The following MUC5B variants were observed in gnomAD, a reference collection of about 807,000 sequenced individuals.
MUC5B encodes mucin 5B, oligomeric mucus/gel-forming.
A neutral mutation model predicts 376.9 loss-of-function variants in MUC5B; 116 were observed. That is an observed-to-expected ratio of 0.31 (90% confidence interval 0.26 to 0.36). MUC5B has a LOEUF of 0.36. MUC5B is among the 10% of genes least tolerant of loss of function. The pLI is 1.00. For missense variants in MUC5B, 7,165 were observed against 7,769.9 expected, an observed-to-expected ratio of 0.92 and a Z score of 2.93; for synonymous variants, 3,517 against 3,390.9, an observed-to-expected ratio of 1.04 and a Z score of -1.29.
intron 7 of MUC5B, 65 bp from the exon 8 acceptor site, chr11:1,228,499 T>C: frequency 5.6e-6 from 8 of 1,422,966 alleles, no homozygotes; most frequent in Non-Finnish European, 7.5e-6. Context: ...ATGGGTCCTA[T>C]TCCAGCACCG....
Position 1,251,238 on chromosome 11 carries a change from C to G in MUC5B, c.14358C>G (p.Thr4786=), listed in dbSNP as rs761216246. The change falls in exon 31 of 49, where the codon ACC becomes ACG. Residue 4786 remains threonine, a synonymous_variant. Transcript: ENST00000529681. Reference sequence around the variant, plus strand: ...TCCACACCTCCTCTACTCCAGAGACCACCCACACCTCCACAGTGCTGACCA... The same window carrying G: ...TCCACACCTCCTCTACTCCAGAGACGACCCACACCTCCACAGTGCTGACCA... The part of the protein sequence containing the change: ...STIHTSSTPE[T]THTSTVLTTT... 6.2e-7 allele frequency: 1 copy of G among 1,611,272 alleles called. No homozygotes were observed. The highest frequency in any genetic ancestry group is 8.5e-7 in the Non-Finnish European group (1 of 1,178,240).
At chr11:1,229,374 T>G in intron 9 of MUC5B, 79 bp downstream of exon 9, 2 of 1,410,798 alleles carry the variant, frequency 1.4e-6, no homozygotes, top group Non-Finnish European at 1.9e-6. Context: ...TCATCAGGCG[T>G]GGAAGCAGAG....
In MUC5B at chr11:1,248,002, T is replaced by A. The variant is rs1043765840; in HGVS notation, c.11122T>A (p.Ser3708Thr). 3 of 1,609,388 alleles carry A rather than the reference T, an allele frequency of 1.9e-6. No individual in the cohort carries two copies. In the African/African-American group the frequency reaches 4.0e-5, roughly 22 times the overall value. The part of the protein sequence containing the change: ...TTATTTESTG[S>T]TATPSSTPGT... ...AGCCACTACGACTGAGTCCACTGGA[T>A]CCACGGCCACCCCGTCCTCCACCCC... Residue 3708 changes from serine (S) to threonine (T), a missense_variant, in exon 31 of 49, where the codon TCC (serine) becomes ACC (threonine). Ser to Thr is a moderately conservative substitution (Grantham distance 58). Coordinates refer to ENST00000529681, the MANE Select transcript of MUC5B (RefSeq NM_002458.3).
rs776709402 is a variant in MUC5B at position 1,259,780 on chromosome 11, G to T, written c.16738G>T (p.Gly5580Trp). The part of the protein sequence containing the change: ...PQGFEYKRVA[G>W]QCCGECVQTA... ...GGGCTTTGAGTACAAGAGAGTGGCC[G>T]GGCAGTGCTGTGGGGAGTGCGTCCA... The change falls in exon 45 of 49, where the codon GGG (glycine) becomes TGG (tryptophan). Residue 5580 changes from glycine (G) to tryptophan (W), a missense_variant. Physicochemically the swap from Gly to Trp is radical, Grantham distance 184. Coordinates refer to ENST00000529681, the MANE Select transcript of MUC5B (RefSeq NM_002458.3). The T allele has an allele frequency of 6.2e-7, 1 of 1,612,410 alleles. No homozygotes were observed. The highest frequency in any genetic ancestry group is 8.5e-7 in the Non-Finnish European group (1 of 1,179,658).
chr11:1,238,546 G>A (rs927224651), intron 25 of MUC5B, among the ~76,000 whole-genome samples: 1 of 152,200 alleles, frequency 6.6e-6, no homozygotes, highest in Non-Finnish European at 1.5e-5. Flanking sequence ...AGATCCACGT[G>A]ATAGAAAGAT....
In MUC5B at chr11:1,249,254, C is replaced by A. The variant is rs1378705846; in HGVS notation, c.12374C>A (p.Thr4125Asn). 6.2e-6 allele frequency: 10 copies of A among 1,611,512 alleles called. No homozygotes were observed. The highest frequency in any genetic ancestry group is 8.5e-6 in the Non-Finnish European group (10 of 1,179,606). ...PTSAPITTVVTTGCEPQCAWS... is the reference protein window; with the variant it reads ...PTSAPITTVVNTGCEPQCAWS... ...TCGGCCCCCATAACCACGGTGGTGA[C>A]CACGGGCTGTGAGCCCCAGTGTGCC... Residue 4125 changes from threonine to asparagine, a missense_variant, in exon 31 of 49, where the codon ACC becomes AAC. Thr to Asn is a moderately conservative substitution (Grantham distance 65). Around this residue, in one of 31 missense-constraint regions of MUC5B, gnomAD observed 47 missense variants for 88.4 expected, o/e 0.53. Coordinates refer to ENST00000529681, the MANE Select transcript of MUC5B (RefSeq NM_002458.3).
intron 30 of MUC5B, among the ~76,000 whole-genome samples, chr11:1,240,632 G>A (rs879900031): frequency 2.6e-5 from 4 of 152,132 alleles, no homozygotes; most frequent in Admixed American, 6.5e-5. Context: ...CCCTCAGCAC[G>A]GCCTATCCCA....
In MUC5B at chr11:1,250,879, C is replaced by A. The variant is rs750547196; in HGVS notation, c.13999C>A (p.Pro4667Thr). The A allele has an allele frequency of 6.3e-7, 1 of 1,593,294 alleles. No individual in the cohort carries two copies. The highest frequency in any genetic ancestry group is 8.5e-7 in the Non-Finnish European group (1 of 1,169,942). Residue 4667 changes from proline (P) to threonine (T), a missense_variant, in exon 31 of 49, where the codon CCC becomes ACC. Pro to Thr is a conservative substitution (Grantham distance 38). This residue lies in a region of MUC5B where 730 missense variants were observed against 592.7 expected (regional missense o/e 1.23). Transcript: ENST00000529681. ...TTVATGSMAT[P>T]SSSTQTSGTP... is the part of the protein sequence containing the mutation. ...TGTGGCCACTGGTTCTATGGCAACACCCTCCTCTAGCACACAGACCAGTGG... is the reference window on the plus strand; with the variant it reads ...TGTGGCCACTGGTTCTATGGCAACAACCTCCTCTAGCACACAGACCAGTGG...
chr11:1,230,849 G>C, intron 12 of MUC5B, 87 bp from the exon 13 acceptor site: 1 of 1,483,474 alleles, frequency 6.7e-7, no homozygotes, highest in Non-Finnish European at 9.2e-7. Context: ...GTCCCCAGTG[G>C]GGGCCCCTGG....
rs1298361216 is a variant in MUC5B, at chr11:1,244,784, G to C, written c.7904G>C (p.Ser2635Thr). 1.6e-5 allele frequency: 25 copies of C among 1,612,106 alleles called. No individual in the cohort carries two copies. Among genetic ancestry groups the C allele is most frequent in the Non-Finnish European group, 2.0e-5 (24 of 1,178,918 alleles). ...GCACGCACGCTTCCAGTGTGGATCA[G>C]CACAACCACCACACCCACAACCAGA... is the stretch of plus-strand genomic sequence containing the variant. Reference protein sequence around the residue: ...GTARTLPVWISTTTTPTTRGS... With the variant: ...GTARTLPVWITTTTTPTTRGS... Residue 2635 changes from serine to threonine, a missense_variant, in exon 31 of 49, where the codon AGC (serine) becomes ACC (threonine). Ser to Thr is a moderately conservative substitution (Grantham distance 58). Coordinates refer to ENST00000529681, the MANE Select transcript of MUC5B (RefSeq NM_002458.3).
At position 1,259,011 on chromosome 11, in the gene MUC5B, C is replaced by A; in HGVS notation, c.16663C>A (p.Pro5555Thr). Residue 5555 changes from proline (P) to threonine (T), a missense_variant, in exon 44 of 49, where the codon CCA becomes ACA. Transcript: ENST00000529681. ...CTGCCTCTCTGGGGACACCCAGGAC[C>A]CAACGGTGCAATGTCAGGAGGATGC... Reference protein sequence around the residue: ...CTCLSGDTQDPTVQCQEDACN... With the variant: ...CTCLSGDTQDTTVQCQEDACN... 6.4e-7 allele frequency: 1 copy of A among 1,560,426 alleles called. No homozygotes were observed. The highest frequency in any genetic ancestry group is 2.4e-5 in the East Asian group (1 of 41,502).
At chr11:1,238,812 C>A in intron 25 of MUC5B, 59 bp from the exon 26 acceptor site, 1 of 1,521,954 alleles carries the variant, frequency 6.6e-7, no homozygotes, top group Non-Finnish European at 8.9e-7. Context: ...CTGGGCCAGC[C>A]ACCCCCTGGC....
At chr11:1,252,785 G>A in intron 32 of MUC5B, 24 bp from the exon 33 acceptor site, 1 of 1,583,502 alleles carries the variant, frequency 6.3e-7, no homozygotes, top group East Asian at 2.3e-5. Context: ...GTCCAGGTGA[G>A]GACGTGCATG....
At position 1,226,211 on chromosome 11, in the gene MUC5B, C is replaced by T. The variant is rs767484390; in HGVS notation, c.134C>T (p.Pro45Leu). Residue 45 changes from proline (P) to leucine (L), a missense_variant, in exon 3 of 49, where the codon CCG (proline) becomes CTG (leucine). Pro to Leu is a moderately conservative substitution (Grantham distance 98). Around this residue, in one of 31 missense-constraint regions of MUC5B, gnomAD observed 640 missense variants for 733.0 expected, o/e 0.87. Transcript: ENST00000529681. ...GACCAGCCTTCACCCACAGGTGCCC[C>T]GACGTCCTCGCCCACCCGGCGCGTG... The part of the protein sequence containing the change: ...NAGHTMDGGA[P>L]TSSPTRRVSF... The T allele has an allele frequency of 1.2e-5, 18 of 1,551,464 alleles. No homozygotes were observed. In the South Asian group the frequency reaches 1.2e-4, roughly 10 times the overall value.
chr11:1,233,682 G>C, intron 18 of MUC5B, 111 bp from the exon 19 acceptor site: 1 of 1,040,920 alleles, frequency 9.6e-7, no homozygotes, highest in Non-Finnish European at 1.4e-6. Flanking sequence ...GGCCTTACAA[G>C]GAGGTGGCCA....
chr11:1,254,762 G>GACC lies in MUC5B; in HGVS notation c.15554_15556dup (p.Thr5185dup). ...ACGGCGTGCTTGTGTCTGTGCTGGG[G>GACC]ACCACCACCATGCGTGTGGACATTC... On this transcript the variant is annotated inframe_insertion, in exon 35 of 49. Coordinates refer to ENST00000529681, the MANE Select transcript of MUC5B (RefSeq NM_002458.3). 6.2e-7 allele frequency: 1 copy of GACC among 1,612,936 alleles called. No homozygotes were observed. The highest frequency in any genetic ancestry group is 1.3e-5 in the African/African-American group (1 of 75,064).
Position 1,250,438 on chromosome 11 carries a change from A to C in MUC5B, c.13558A>C (p.Thr4520Pro), listed in dbSNP as rs770907845. The C allele has an allele frequency of 4.4e-6, 7 of 1,594,332 alleles. No homozygotes were observed. Among genetic ancestry groups the C allele is most frequent in the South Asian group, 1.1e-5 (1 of 90,774 alleles). The change falls in exon 31 of 49, where the codon ACC (threonine) becomes CCC (proline). Residue 4520 changes from threonine to proline, a missense_variant. Around this residue, in one of 31 missense-constraint regions of MUC5B, gnomAD observed 431 missense variants for 390.4 expected, o/e 1.10. Coordinates refer to ENST00000529681, the MANE Select transcript of MUC5B (RefSeq NM_002458.3). Reference sequence around the variant, plus strand: ...AAGCACAGCCACCACACCCACAGCTACCAGCTTTACAGCCATCCCCTCCTC... The same window carrying C: ...AAGCACAGCCACCACACCCACAGCTCCCAGCTTTACAGCCATCCCCTCCTC... ...LRSTATTPTA[T>P]SFTAIPSSSL...
At chr11:1,254,035 C>T in intron 33 of MUC5B, 57 bp from the exon 34 acceptor site, 2 of 1,570,668 alleles carry the variant, frequency 1.3e-6, no homozygotes, top group Non-Finnish European at 8.6e-7. Context: ...GCCATGACGC[C>T]TGGGGAGCGA....
At position 1,255,437 on chromosome 11, in the gene MUC5B, C is replaced by T. The variant is rs1327722239; in HGVS notation, c.15945C>T (p.Cys5315=). The T allele has an allele frequency of 1.2e-6, 2 of 1,604,490 alleles. No homozygotes were observed. Among genetic ancestry groups the T allele is most frequent in the East Asian group, 4.5e-5 (2 of 44,408 alleles). ...LVPPGPFFNA[C]ISDHCRGRLE... is the part of the protein sequence containing the mutation. ...CCCCGGGCCCATTCTTCAACGCCTG[C>T]ATCAGCGACCACTGCAGGGGCCGCC... Residue 5315 remains cysteine (C), a synonymous_variant, in exon 37 of 49, where the codon TGC becomes TGT. Coordinates refer to ENST00000529681, the MANE Select transcript of MUC5B (RefSeq NM_002458.3).
Sources: gnomAD v4.1 joint callset for allele counts (sites outside exome capture counted in the v4.1 genomes callset) on GRCh38, gnomAD v4.1.1 for gene constraint, gnomAD v4.1.1 regional missense constraint, MANE v1.5 for transcripts, NCBI Gene and HGNC (gene_info 2026-07-23, HGNC 2026-07-21) for gene names.